C2orf92: variants seen among roughly 807,000 people sequenced by gnomAD.
The protein encoded by C2orf92 is chromosome 2 open reading frame 92, also known as uncharacterized protein C2orf92.
chr2:97,681,965 A>G (rs913651817), intron 3 of C2orf92, among the ~76,000 whole-genome samples: 1 of 152,188 alleles, frequency 6.6e-6, no homozygotes, highest in Non-Finnish European at 1.5e-5. Flanking sequence ...AGGAAATAGT[A>G]AAGTATACAG....
upstream of C2orf92, chr2:97,669,135 AT>A (rs750780373): frequency 1.8e-4 from 27 of 152,320 alleles, no homozygotes; most frequent in African/African-American, 5.1e-4. Context: ...ACTATAATAG[AT>A]TTTTCCTTTG....
upstream of C2orf92, chr2:97,664,111 G>A (rs1227592218): frequency 3.7e-6 from 1 of 271,504 alleles, no homozygotes; most frequent in African/African-American, 2.3e-5. Context: ...GCCCGGGGCT[G>A]GCTGCGCGAA....
At chr2:97,702,347 A>G (rs1438081859) in intron 7 of C2orf92, among the ~76,000 whole-genome samples, 4 of 151,906 alleles carry the variant, frequency 2.6e-5, no homozygotes, top group East Asian at 3.9e-4. Context: ...TCTTCCTACC[A>G]AGGCTCATCC....
At chr2:97,693,016 A>G (rs1243538413) in intron 5 of C2orf92, among the ~76,000 whole-genome samples, 1 of 152,002 alleles carries the variant, frequency 6.6e-6, no homozygotes, top group Non-Finnish European at 1.5e-5. Context: ...CTTTTTGGGT[A>G]TTTTTTTCTG....
intron 3 of C2orf92, among the ~76,000 whole-genome samples, chr2:97,684,082 C>G (rs1411198660): frequency 7.0e-6 from 1 of 142,786 alleles, no homozygotes; most frequent in Non-Finnish European, 1.5e-5. Context: ...GTCGCCCAGG[C>G]TGGAGTGCAG....
At chr2:97,674,620 A>C (rs1427839010) in intron 2 of C2orf92, 63 bp downstream of exon 2, 1 of 397,948 alleles carries the variant, frequency 2.5e-6, no homozygotes, top group Non-Finnish European at 4.4e-6. Context: ...GTTATCTCAA[A>C]TATGCGATGC....
In C2orf92 at chr2:97,681,231, CAG is replaced by C. The variant is rs537856997; in HGVS notation, c.232+5305_232+5306del. On this transcript the variant is annotated intron_variant, in intron 3 of 7. Transcript: ENST00000627399. ...ATATCCAGAACAATCCACCCAGCAA[CAG>C]AAGAATATGTATTCTTCTCAAGAGC... 5.7e-4 allele frequency among the ~76,000 whole-genome samples: 87 copies of C among 151,468 alleles called. 2 individuals carry two copies. In the East Asian group the frequency reaches 0.014, roughly 24 times the overall value.
chr2:97,682,910 G>A (rs929769470), intron 3 of C2orf92, among the ~76,000 whole-genome samples: 1 of 152,082 alleles, frequency 6.6e-6, no homozygotes, highest in Non-Finnish European at 1.5e-5. Context: ...TCAGGAACAA[G>A]GCAAGGATGC....
intron 3 of C2orf92, among the ~76,000 whole-genome samples, chr2:97,682,802 G>A (rs982222896): frequency 8.6e-5 from 13 of 151,446 alleles, no homozygotes; most frequent in Admixed American, 7.3e-4. Flanking sequence ...ACAAACTAGA[G>A]ATAGAAGGAA....
chr2:97,689,900 G>A (rs746121037), intron 4 of C2orf92, among the ~76,000 whole-genome samples: 6 of 152,090 alleles, frequency 3.9e-5, no homozygotes, highest in Non-Finnish European at 7.4e-5. Flanking sequence ...AGGCCGAGGT[G>A]GGCAGATCAC....
intron 3 of C2orf92, among the ~76,000 whole-genome samples, chr2:97,686,601 A>T (rs1573217213): frequency 6.6e-6 from 1 of 152,076 alleles, no homozygotes; most frequent in Non-Finnish European, 1.5e-5. Context: ...TTGTATCTTT[A>T]ATAGAGATGG....
intron 3 of C2orf92, among the ~76,000 whole-genome samples, chr2:97,676,655 C>G (rs1293671920): frequency 6.6e-6 from 1 of 151,616 alleles, no homozygotes; most frequent in East Asian, 1.9e-4. Flanking sequence ...GCCTGTGGTC[C>G]CAGCTACTCG....
At chr2:97,681,430 TTAAA>T (rs1449066535) in intron 3 of C2orf92, among the ~76,000 whole-genome samples, 9 of 152,106 alleles carry the variant, frequency 5.9e-5, no homozygotes, top group Non-Finnish European at 1.2e-4. Context: ...CAACACACTC[TTAAA>T]TAATCAATGG....
chr2:97,681,633 C>T (rs929971079), intron 3 of C2orf92, among the ~76,000 whole-genome samples: 4 of 152,128 alleles, frequency 2.6e-5, no homozygotes, highest in African/African-American at 7.2e-5. Context: ...CCTAGGCGGG[C>T]GGATCACGAG....
chr2:97,698,954 A>T, intron 5 of C2orf92, 72 bp from the exon 6 acceptor site: 2 of 397,196 alleles, frequency 5.0e-6, no homozygotes, highest in Non-Finnish European at 8.9e-6. Context: ...AGAAGAAGCT[A>T]CTTTTATCAT....
intron 5 of C2orf92, among the ~76,000 whole-genome samples, chr2:97,691,352 T>C (rs1676130499): frequency 6.6e-6 from 1 of 151,722 alleles, no homozygotes; most frequent in Non-Finnish European, 1.5e-5. Context: ...CCCGCTGGGG[T>C]GGTGGGGCTG....
At chr2:97,693,231 G>T (rs555433432) in intron 5 of C2orf92, among the ~76,000 whole-genome samples, 5 of 152,126 alleles carry the variant, frequency 3.3e-5, no homozygotes, top group Admixed American at 6.5e-5. Flanking sequence ...TTTATCTGTT[G>T]TTGGACACTT....
chr2:97,691,302 C>T (rs560836993), intron 5 of C2orf92, among the ~76,000 whole-genome samples: 4 of 152,328 alleles, frequency 2.6e-5, no homozygotes, highest in Admixed American at 1.3e-4. Flanking sequence ...GCCGCAGACA[C>T]CTGGTGCCTC....
intron 7 of C2orf92, among the ~76,000 whole-genome samples, chr2:97,702,340 TC>T (rs1292500366): frequency 6.6e-6 from 1 of 152,116 alleles, no homozygotes; most frequent in Non-Finnish European, 1.5e-5. Context: ...AGCATCCTCT[TC>T]CTACCAAGGC....
Sources: gnomAD v4.1 joint callset for allele counts (sites outside exome capture counted in the v4.1 genomes callset) on GRCh38, gnomAD v4.1.1 for gene constraint, MANE v1.5 for transcripts, NCBI Gene and HGNC (gene_info 2026-07-23, HGNC 2026-07-21) for gene names.